Variants in ARSK observed in about 807,000 individuals in gnomAD.
ARSK encodes the protein arylsulfatase K.
In ARSK, 37 loss-of-function variants were observed where a neutral mutation model predicts 53.2. The observed-to-expected ratio is 0.70, with a 90% CI of 0.54 to 0.92. ARSK has a LOEUF of 0.92. ARSK is among the 40% of genes least tolerant of loss of function. The pLI is 0.00. For missense variants in ARSK, 613 were observed against 643.0 expected (o/e 0.95, Z 0.51); for synonymous variants, 208 against 223.2 (o/e 0.93, Z 0.61).
intron 4 of ARSK, among the ~76,000 whole-genome samples, chr5:95,586,348 T>C (rs1205666301): frequency 6.6e-6 from 1 of 152,214 alleles, no homozygotes; most frequent in East Asian, 1.9e-4. Context: ...TCTCATGATA[T>C]ATATACACAT....
intron 6 of ARSK, among the ~76,000 whole-genome samples, chr5:95,595,314 C>T (rs1459215849): frequency 1.3e-5 from 2 of 152,114 alleles, no homozygotes; most frequent in East Asian, 3.8e-4. Context: ...ACCATTAGAC[C>T]CAGCAATCCC....
At position 95,567,339 on chromosome 5, in the gene ARSK, CAG is replaced by C. The variant is rs1297765424; in HGVS notation, c.257-549_257-548del. ...CAGAAAACATCTTGCTAGATGAAAA[CAG>C]AAAGCTTATTCTAACTTTCTATTTA... On this transcript the variant is annotated intron_variant, in intron 2 of 7. Coordinates refer to ENST00000380009, the MANE Select transcript of ARSK (RefSeq NM_198150.3). Among the ~76,000 whole-genome samples the C allele has an allele frequency of 3.3e-5, 5 of 152,234 alleles. No homozygotes were observed. The East Asian group carries it at 9.6e-4, about 29-fold the overall frequency.
chr5:95,573,963 C>G (rs186909933), intron 3 of ARSK, among the ~76,000 whole-genome samples: 1 of 152,068 alleles, frequency 6.6e-6, no homozygotes, highest in Non-Finnish European at 1.5e-5. Flanking sequence ...AGATCTTATC[C>G]TTTCCATTTT....
rs1422206619 is a variant in ARSK at position 95,568,933 on chromosome 5, C to T, written c.416+884C>T. On this transcript the variant is annotated intron_variant, in intron 3 of 7. Transcript: ENST00000380009. ...GTACTGATTCTCTAATGAGCAGAAA[C>T]AACACTTCACATGTGTCGTCGCAAT... 2.0e-5 allele frequency among the ~76,000 whole-genome samples: 3 copies of T among 152,324 alleles called. No individual in the cohort carries two copies. The South Asian group carries it at 6.2e-4, about 32-fold the overall frequency.
intron 1 of ARSK, among the ~76,000 whole-genome samples, chr5:95,560,141 T>C (rs956637053): frequency 7.2e-5 from 11 of 152,194 alleles, no homozygotes; most frequent in African/African-American, 2.7e-4. Context: ...ATAGTTCTTA[T>C]ACTCCGAAAA....
At chr5:95,558,108 T>A (rs1748557345) in intron 1 of ARSK, among the ~76,000 whole-genome samples, 1 of 152,190 alleles carries the variant, frequency 6.6e-6, no homozygotes. Context: ...GCTGTGAGAT[T>A]TCTCATCTTC....
rs1561371003 is a variant in ARSK at position 95,601,067 on chromosome 5, CTT to C, written c.1319_1320del (p.Phe440Ter). ...ATGGTGCATCAATATTGCCTCAACT[CTT>C]TGGTAAGTTTGTTAATATATTTTTA... ...SDGASILPQL[F>X]DLSSDPDELT... On this transcript the variant is annotated frameshift_variant and splice_region_variant, in exon 7 of 8. Coordinates refer to ENST00000380009, the MANE Select transcript of ARSK (RefSeq NM_198150.3). LOFTEE classifies it high-confidence loss of function. 1 of 1,610,880 alleles carries C rather than the reference CTT, an allele frequency of 6.2e-7. No homozygotes were observed. The highest frequency in any genetic ancestry group is 1.7e-5 in the Admixed American group (1 of 60,004).
At chr5:95,562,453 G>T (rs2112412531) in intron 1 of ARSK, among the ~76,000 whole-genome samples, 1 of 152,298 alleles carries the variant, frequency 6.6e-6, no homozygotes, top group South Asian at 2.1e-4. Context: ...ACAGATCTGG[G>T]AAGAACACTA....
At position 95,603,247 on chromosome 5, in the gene ARSK, G is replaced by T; in HGVS notation, c.1332G>T (p.Ser444=). ...SILPQLFDLS[S]DPDELTNVAV... ...TTTTTTTTCTTTCAGATCTTTCCTCGGATCCAGATGAATTAACAAATGTTG... is the reference window on the plus strand; with the variant it reads ...TTTTTTTTCTTTCAGATCTTTCCTCTGATCCAGATGAATTAACAAATGTTG... The change falls in exon 8 of 8, where the codon TCG becomes TCT. Residue 444 remains serine, a synonymous_variant. Transcript: ENST00000380009. The T allele has an allele frequency of 1.9e-6, 3 of 1,545,390 alleles. No individual in the cohort carries two copies. The highest frequency in any genetic ancestry group is 2.6e-5 in the South Asian group (2 of 77,128).
chr5:95,567,666 G>A (rs143122849), intron 2 of ARSK, among the ~76,000 whole-genome samples: 15 of 152,262 alleles, frequency 9.9e-5, no homozygotes, highest in African/African-American at 2.9e-4. Context: ...AGCACTAAGC[G>A]TTAGTCAACT....
At chr5:95,570,782 T>A (rs1748814780) in intron 3 of ARSK, among the ~76,000 whole-genome samples, 2 of 146,154 alleles carry the variant, frequency 1.4e-5, no homozygotes, top group South Asian at 2.1e-4. Flanking sequence ...TATATAACCA[T>A]CTTTTTTTTT....
chr5:95,568,596 GTACTT>G (rs1211428154), intron 3 of ARSK, among the ~76,000 whole-genome samples: 3 of 152,170 alleles, frequency 2.0e-5, no homozygotes, highest in Non-Finnish European at 2.9e-5. Context: ...TGTTGACACT[GTACTT>G]TAATTTCTTT....
At chr5:95,582,334 T>A (rs897882783) in intron 3 of ARSK, among the ~76,000 whole-genome samples, 8 of 152,092 alleles carry the variant, frequency 5.3e-5, no homozygotes, top group Non-Finnish European at 7.4e-5. Context: ...AAATGAGTAA[T>A]AAAGAAAATA....
Position 95,555,775 on chromosome 5 carries a change from A to G in ARSK, c.126+371A>G, listed in dbSNP as rs991496558. Among the ~76,000 whole-genome samples the G allele has an allele frequency of 6.6e-6, 1 of 152,224 alleles. No homozygotes were observed. Among genetic ancestry groups the G allele is most frequent in the Non-Finnish European group, 1.5e-5 (1 of 68,044 alleles). ...CATAAAAGCGTGTTAGCTTTCCAAA[A>G]GTCATTTTCCAGTTCACCTCAAGTT... On this transcript the variant is annotated intron_variant, in intron 1 of 7. Coordinates refer to ENST00000380009, the MANE Select transcript of ARSK (RefSeq NM_198150.3). This position sits in a 1 kb window ranked among gnomAD's most constrained non-coding sequence, Gnocchi z 4.0.
intron 6 of ARSK, among the ~76,000 whole-genome samples, chr5:95,592,004 A>G (rs1040587155): frequency 1.3e-5 from 2 of 152,234 alleles, no homozygotes; most frequent in Admixed American, 1.3e-4. Flanking sequence ...CTTTGAAACT[A>G]GTATGAACAT....
chr5:95,603,190 T>C, intron 7 of ARSK, 47 bp from the exon 8 acceptor site: 1 of 1,451,858 alleles, frequency 6.9e-7, no homozygotes, highest in East Asian at 2.3e-5. Flanking sequence ...CTAAAAAAAT[T>C]TTTAGCAGGT....
At chr5:95,560,226 G>C (rs1748604978) in intron 1 of ARSK, among the ~76,000 whole-genome samples, 1 of 151,402 alleles carries the variant, frequency 6.6e-6, no homozygotes, top group Non-Finnish European at 1.5e-5. Flanking sequence ...TGGATCAGAA[G>C]ATTTAATATT....
rs1266184783 is a variant in ARSK at position 95,582,905 on chromosome 5, TGCCCCCTCAG to T, written c.417-10_417-1del. The T allele has an allele frequency of 1.3e-6, 2 of 1,583,156 alleles. No homozygotes were observed. The highest frequency in any genetic ancestry group is 2.2e-5 in the East Asian group (1 of 44,482). Reference sequence around the variant, plus strand: ...ATACCTGACAATATATGTGTCTTTTTGCCCCCTCAGTAATCGTGTGGAAGCGTGGACAAGA... The same window carrying T: ...ATACCTGACAATATATGTGTCTTTTTTAATCGTGTGGAAGCGTGGACAAGA... On this transcript the variant is annotated splice_acceptor_variant and splice_polypyrimidine_tract_variant and intron_variant, in intron 3 of 7. Transcript: ENST00000380009. LOFTEE classifies it high-confidence loss of function.
intron 5 of ARSK, among the ~76,000 whole-genome samples, chr5:95,590,481 A>C (rs1749193621): frequency 6.6e-6 from 1 of 152,138 alleles, no homozygotes; most frequent in African/African-American, 2.4e-5. Flanking sequence ...ATTTAGAAAG[A>C]TAGACACCAG....
Sources: allele counts gnomAD v4.1 joint callset (sites outside exome capture counted in the v4.1 genomes callset), GRCh38; gene constraint gnomAD v4.1.1; non-coding constraint Gnocchi (gnomAD v3.1); transcripts MANE v1.5; gene names NCBI Gene and HGNC (gene_info 2026-07-23, HGNC 2026-07-21).